IFNK: variants seen among roughly 807,000 people sequenced by gnomAD.
IFNK encodes interferon kappa.
Under a neutral mutation model 12.0 loss-of-function variants are expected in IFNK, and 13 were observed. That is an observed-to-expected ratio of 1.08 (90% CI 0.70 to 1.72). IFNK has a LOEUF of 1.72. IFNK is among the 40% of genes most tolerant of loss of function. The pLI is 0.00. For missense variants in IFNK, 248 were observed against 237.0 expected (o/e 1.05, Z -0.30); for synonymous variants, 94 against 82.3 (o/e 1.14, Z -0.77).
At position 27,524,996 on chromosome 9, in the gene IFNK, G is replaced by A. The variant is rs755643348; in HGVS notation, c.*1+35G>A. ...TGGAATTAAAATTCCTTTTCCCTCC[G>A]AAATCTCTTTCTCCTTCTCCTCCTC... On this transcript the variant is annotated intron_variant, in intron 1 of 1. Coordinates refer to ENST00000276943, the MANE Select transcript of IFNK (RefSeq NM_020124.3). The A allele has an allele frequency of 4.6e-5, 68 of 1,489,584 alleles. 1 individual carries two copies. Among genetic ancestry groups the A allele is most frequent in the South Asian group, 4.2e-4 (31 of 74,432 alleles). The allele number at this position is 1,489,584 out of a possible 1,614,324, so 92.3% of individuals were successfully genotyped here.
chr9:27,526,231 C>T lies in IFNK; in HGVS notation c.*226C>T, dbSNP rs1297298365. On this transcript the variant is annotated 3_prime_UTR_variant, in exon 2 of 2. Coordinates refer to ENST00000276943, the MANE Select transcript of IFNK (RefSeq NM_020124.3). ...CTTATGATAAAAGTGAGGCAAATTT[C>T]AGCCAAGAAGTTAGAAGAGATGTTT... 5 of 152,184 alleles carry T rather than the reference C, an allele frequency of 3.3e-5. No individual in the cohort carries two copies. The highest frequency in any genetic ancestry group is 7.3e-5 in the Non-Finnish European group (5 of 68,030). 9.4% of individuals were successfully genotyped at this position (152,184 alleles called of 1,614,324 possible). A position where few individuals can be genotyped will look rare whatever the true frequency, so the allele number is the denominator to read the frequency against.
rs1372723027 is a variant in IFNK at position 27,526,095 on chromosome 9, T to C, written c.*90T>C. 1 of 152,228 alleles carries C rather than the reference T, an allele frequency of 6.6e-6. No homozygotes were observed. The highest frequency in any genetic ancestry group is 1.5e-5 in the Non-Finnish European group (1 of 68,040). The allele number at this position is 152,228 out of a possible 1,614,324, so 9.4% of individuals were successfully genotyped here. On this transcript the variant is annotated 3_prime_UTR_variant, in exon 2 of 2. Transcript: ENST00000276943. ...TGAAATATATCTGAAATGTACCTGG[T>C]TCTGCCCTTGGAAGCCATTTCCTGC...
In IFNK at chr9:27,524,727, G is replaced by A; in HGVS notation, c.391G>A (p.Glu131Lys). 6 of 1,613,946 alleles carry A rather than the reference G, an allele frequency of 3.7e-6. No individual in the cohort carries two copies. The highest frequency in any genetic ancestry group is 2.5e-6 in the Non-Finnish European group (3 of 1,179,942). ...QAEYLNQCLEEDKNENEDMKE... is the reference protein window; with the variant it reads ...QAEYLNQCLEKDKNENEDMKE... ...AGAGTACCTGAACCAATGCTTGGAG[G>A]AAGACAAGAATGAAAATGAAGACAT... is the stretch of plus-strand genomic sequence containing the variant. Residue 131 changes from glutamate to lysine, a missense_variant, in exon 1 of 2, where the codon GAA (glutamate) becomes AAA (lysine). By Grantham distance (56) the Glu-to-Lys change is moderately conservative. Coordinates refer to ENST00000276943, the MANE Select transcript of IFNK (RefSeq NM_020124.3).
In IFNK at chr9:27,524,893, T is replaced by C. The variant is rs773360788; in HGVS notation, c.557T>C (p.Val186Ala). 1 of 1,612,570 alleles carries C rather than the reference T, an allele frequency of 6.2e-7. No individual in the cohort carries two copies. The highest frequency in any genetic ancestry group is 1.7e-5 in the Admixed American group (1 of 59,690). The change falls in exon 1 of 2, where the codon GTC (valine) becomes GCC (alanine). Residue 186 changes from valine (V) to alanine (A), a missense_variant. Transcript: ENST00000276943. ...KKYSDCAWEI[V>A]RVEIRRCLYY... ...TACAGTGACTGTGCCTGGGAGATTG[T>C]CCGAGTGGAAATCAGAAGATGTTTG... is the stretch of plus-strand genomic sequence containing the variant.
chr9:27,524,705 G>A lies in IFNK; in HGVS notation c.369G>A (p.Glu123=), dbSNP rs1820402796. The A allele has an allele frequency of 6.2e-7, 1 of 1,614,024 alleles. No homozygotes were observed. Among genetic ancestry groups the A allele is most frequent in the Non-Finnish European group, 8.5e-7 (1 of 1,179,960 alleles). Residue 123 remains glutamate (E), a synonymous_variant, in exon 1 of 2, where the codon GAG becomes GAA. Transcript: ENST00000276943. ...QIQIGLDQQA[E]YLNQCLEEDK... is the part of the protein sequence containing the mutation. ...AAATAGGACTTGATCAGCAAGCAGA[G>A]TACCTGAACCAATGCTTGGAGGAAG...
At chr9:27,525,431 G>T (rs2131511399) in intron 1 of IFNK, among the ~76,000 whole-genome samples, 1 of 152,240 alleles carries the variant, frequency 6.6e-6, no homozygotes, top group Middle Eastern at 3.4e-3. Context: ...CAATACTCTT[G>T]CATTTTCCCC....
In IFNK at chr9:27,524,295, T is replaced by G; in HGVS notation, c.-42T>G. On this transcript the variant is annotated 5_prime_UTR_variant, in exon 1 of 2. It adds an upstream start codon to the 5' untranslated region. Transcript: ENST00000276943. The stretch of plus-strand genomic sequence containing the variant: ...CATGAAGGAAAACTCAAAACATCAT[T>G]GTCATATACACATCTTCTGGATTTT... 6.4e-7 allele frequency: 1 copy of G among 1,566,556 alleles called. No homozygotes were observed. The highest frequency in any genetic ancestry group is 8.6e-7 in the Non-Finnish European group (1 of 1,157,532).
At position 27,524,799 on chromosome 9, in the gene IFNK, C is replaced by G. The variant is rs1215835495; in HGVS notation, c.463C>G (p.Pro155Ala). 6.2e-7 allele frequency: 1 copy of G among 1,613,964 alleles called. No homozygotes were observed. The highest frequency in any genetic ancestry group is 8.5e-7 in the Non-Finnish European group (1 of 1,179,952). Residue 155 changes from proline to alanine, a missense_variant, in exon 1 of 2, where the codon CCC becomes GCC. Physicochemically the swap from Pro to Ala is conservative, Grantham distance 27. Coordinates refer to ENST00000276943, the MANE Select transcript of IFNK (RefSeq NM_020124.3). ...NEMKPSEARV[P>A]QLSSLELRRY... ...GATGAAACCCTCAGAAGCCAGGGTC[C>G]CCCAGCTGAGCAGCCTGGAACTGAG... is the stretch of plus-strand genomic sequence containing the variant.
rs1820395287 is a variant in IFNK, at chr9:27,524,407, G to C, written c.71G>C (p.Gly24Ala). The change falls in exon 1 of 2, where the codon GGC becomes GCC. Residue 24 changes from glycine to alanine, a missense_variant. By Grantham distance (60) the Gly-to-Ala change is moderately conservative. Coordinates refer to ENST00000276943, the MANE Select transcript of IFNK (RefSeq NM_020124.3). Reference protein sequence around the residue: ...LEILMGIFIAGTLSLDCNLLN... With the variant: ...LEILMGIFIAATLSLDCNLLN... ...ATCCTTATGGGTATATTCATTGCTG[G>C]CACCCTATCCCTGGACTGTAACTTA... 1.9e-6 allele frequency: 3 copies of C among 1,613,872 alleles called. No homozygotes were observed. The highest frequency in any genetic ancestry group is 3.3e-5 in the Admixed American group (2 of 59,976).
At chr9:27,525,047 C>T in intron 1 of IFNK, 86 bp downstream of exon 1, 2 of 1,181,896 alleles carry the variant, frequency 1.7e-6, no homozygotes, top group African/African-American at 3.1e-5. Flanking sequence ...GATTGTTGTG[C>T]TGTCCTGTAA....
At position 27,524,422 on chromosome 9, in the gene IFNK, ACT is replaced by A; in HGVS notation, c.87_88del (p.Asp29GlufsTer2). ...TTCATTGCTGGCACCCTATCCCTGG[ACT>A]GTAACTTACTGAACGTTCACCTGAG... On this transcript the variant is annotated frameshift_variant, in exon 1 of 2. Coordinates refer to ENST00000276943, the MANE Select transcript of IFNK (RefSeq NM_020124.3). LOFTEE classifies it high-confidence loss of function. 1 of 1,614,068 alleles carries A rather than the reference ACT, an allele frequency of 6.2e-7. No individual in the cohort carries two copies. The highest frequency in any genetic ancestry group is 8.5e-7 in the Non-Finnish European group (1 of 1,179,970).
Position 27,524,819 on chromosome 9 carries a change from A to C in IFNK, c.483A>C (p.Glu161Asp), listed in dbSNP as rs1308420471. The change falls in exon 1 of 2, where the codon GAA becomes GAC. Residue 161 changes from glutamate (E) to aspartate (D), a missense_variant. By Grantham distance (45) the Glu-to-Asp change is conservative. Coordinates refer to ENST00000276943, the MANE Select transcript of IFNK (RefSeq NM_020124.3). ...GGGTCCCCCAGCTGAGCAGCCTGGA[A>C]CTGAGGAGATATTTCCACAGGATAG... ...EARVPQLSSL[E>D]LRRYFHRIDN... is the part of the protein sequence containing the mutation. 1 of 1,614,032 alleles carries C rather than the reference A, an allele frequency of 6.2e-7. No individual in the cohort carries two copies. The highest frequency in any genetic ancestry group is 1.3e-5 in the African/African-American group (1 of 74,928).
chr9:27,525,307 G>A (rs1252736404), intron 1 of IFNK, among the ~76,000 whole-genome samples: 2 of 152,220 alleles, frequency 1.3e-5, no homozygotes, highest in Non-Finnish European at 2.9e-5. Flanking sequence ...AGGATAGGGA[G>A]CAGAGAATGT....
rs750477982 is a variant in IFNK at position 27,524,698 on chromosome 9, A to T, written c.362A>T (p.Gln121Leu). The change falls in exon 1 of 2, where the codon CAA (glutamine) becomes CTA (leucine). Residue 121 changes from glutamine (Q) to leucine (L), a missense_variant. By Grantham distance (113) the Gln-to-Leu change is moderately radical. Transcript: ENST00000276943. ...LKQIQIGLDQ[Q>L]AEYLNQCLEE... ...CAAATCCAAATAGGACTTGATCAGC[A>T]AGCAGAGTACCTGAACCAATGCTTG... 3 of 1,614,104 alleles carry T rather than the reference A, an allele frequency of 1.9e-6. No individual in the cohort carries two copies. In the Admixed American group the frequency reaches 5.0e-5, roughly 27 times the overall value.
chr9:27,525,085 CG>C (rs760947035), intron 1 of IFNK, 124 bp downstream of exon 1: 7 of 799,636 alleles, frequency 8.8e-6, no homozygotes, highest in Non-Finnish European at 1.3e-5. Flanking sequence ...CTGGTAGCCT[CG>C]GAACATCAGG....
At position 27,524,416 on chromosome 9, in the gene IFNK, C is replaced by T. The variant is rs754125470; in HGVS notation, c.80C>T (p.Ser27Phe). 6.2e-7 allele frequency: 1 copy of T among 1,614,076 alleles called. No individual in the cohort carries two copies. The highest frequency in any genetic ancestry group is 1.7e-5 in the Admixed American group (1 of 60,014). The change falls in exon 1 of 2, where the codon TCC becomes TTC. Residue 27 changes from serine to phenylalanine, a missense_variant. Ser to Phe is a radical substitution (Grantham distance 155, BLOSUM62 -2). Transcript: ENST00000276943. The stretch of plus-strand genomic sequence containing the variant: ...GGTATATTCATTGCTGGCACCCTAT[C>T]CCTGGACTGTAACTTACTGAACGTT... Reference protein sequence around the residue: ...LMGIFIAGTLSLDCNLLNVHL... With the variant: ...LMGIFIAGTLFLDCNLLNVHL...
chr9:27,524,555 G>T lies in IFNK; in HGVS notation c.219G>T (p.Leu73=). The change falls in exon 1 of 2, where the codon CTG becomes CTT. Residue 73 remains leucine, a synonymous_variant. Coordinates refer to ENST00000276943, the MANE Select transcript of IFNK (RefSeq NM_020124.3). ...NIAFELPQEF[L]QYTQPMKRDI... ...CTTTTGAGTTGCCCCAAGAGTTTCTGCAATACACCCAACCTATGAAGAGGG... is the reference window on the plus strand; with the variant it reads ...CTTTTGAGTTGCCCCAAGAGTTTCTTCAATACACCCAACCTATGAAGAGGG... The T allele has an allele frequency of 1.9e-6, 3 of 1,614,066 alleles. No individual in the cohort carries two copies. The highest frequency in any genetic ancestry group is 2.5e-6 in the Non-Finnish European group (3 of 1,179,986).
At chr9:27,525,031 T>G in intron 1 of IFNK, 70 bp downstream of exon 1, 1 of 1,295,996 alleles carries the variant, frequency 7.7e-7, no homozygotes, top group Non-Finnish European at 1.0e-6. Flanking sequence ...CCAACTTCTT[T>G]TTAAGGATTG....
chr9:27,524,600 T>G lies in IFNK; in HGVS notation c.264T>G (p.Tyr88Ter). The change falls in exon 1 of 2, where the codon TAT becomes TAG. Residue 88 changes from tyrosine to a stop codon, truncating the protein, a stop_gained. Coordinates refer to ENST00000276943, the MANE Select transcript of IFNK (RefSeq NM_020124.3). LOFTEE classifies it high-confidence loss of function. ...PMKRDIKKAF[Y>*]EMSLQAFNIF... Reference sequence around the variant, plus strand: ...AGAGGGACATCAAGAAGGCCTTCTATGAAATGTCCCTACAGGCCTTCAACA... The same window carrying G: ...AGAGGGACATCAAGAAGGCCTTCTAGGAAATGTCCCTACAGGCCTTCAACA... 1 of 1,614,180 alleles carries G rather than the reference T, an allele frequency of 6.2e-7. No individual in the cohort carries two copies. Among genetic ancestry groups the G allele is most frequent in the South Asian group, 1.1e-5 (1 of 91,084 alleles).
Sources: allele counts gnomAD v4.1 joint callset (sites outside exome capture counted in the v4.1 genomes callset), GRCh38; gene constraint gnomAD v4.1.1; transcripts MANE v1.5; gene names NCBI Gene and HGNC (gene_info 2026-07-23, HGNC 2026-07-21).